TFIP11: variants seen among roughly 807,000 people sequenced by gnomAD.
TFIP11 encodes the protein tuftelin interacting protein 11.
TFIP11 carries 86 observed loss-of-function variants against 96.8 expected under a neutral mutation model. The ratio of observed to expected loss-of-function variants is 0.89; its 90% confidence interval spans 0.75 to 1.06. The LOEUF (loss-of-function observed/expected upper bound fraction) is 1.06, where lower values mean the gene tolerates loss of function less well. TFIP11 is among the 50% of genes least tolerant of loss of function. TFIP11 has a pLI of 0.00. For missense variants in TFIP11, 881 were observed against 1,076.7 expected, an observed-to-expected ratio of 0.82 and a Z score of 2.54; for synonymous variants, 405 against 395.2, an observed-to-expected ratio of 1.02 and a Z score of -0.29.
In TFIP11 at chr22:26,503,534, C is replaced by A. The variant is rs538448449; in HGVS notation, c.648+132G>T. The A allele has an allele frequency of 5.2e-6, 6 of 1,146,150 alleles. No homozygotes were observed. The South Asian group carries it at 6.3e-5, about 12-fold the overall frequency. The allele number at this position is 1,146,150 out of a possible 1,614,324, so 71.0% of individuals were successfully genotyped here. A position where few individuals can be genotyped will look rare whatever the true frequency, so the allele number is the denominator to read the frequency against. On this transcript the variant is annotated intron_variant, in intron 7 of 14. Coordinates refer to ENST00000407690, the MANE Select transcript of TFIP11 (RefSeq NM_012143.4). Reference sequence around the variant, plus strand: ...AGCCCTCTCATCATGGTGCACCTAGCCTTCAGCCCAGTACCTGGCATACGG... The same window carrying A: ...AGCCCTCTCATCATGGTGCACCTAGACTTCAGCCCAGTACCTGGCATACGG...
chr22:26,510,107 C>G lies in TFIP11; in HGVS notation c.166G>C (p.Glu56Gln), dbSNP rs1363240229. 6 of 1,614,006 alleles carry G rather than the reference C, an allele frequency of 3.7e-6. No individual in the cohort carries two copies. The highest frequency in any genetic ancestry group is 5.1e-6 in the Non-Finnish European group (6 of 1,180,054). Residue 56 changes from glutamate (E) to glutamine (Q), a missense_variant, in exon 4 of 15, where the codon GAG becomes CAG. Physicochemically the swap from Glu to Gln is conservative, Grantham distance 29. Coordinates refer to ENST00000407690, the MANE Select transcript of TFIP11 (RefSeq NM_012143.4). Reference sequence around the variant, plus strand: ...GGCCTCTCATCATCCGAGTCTCGCTCTGCCCACACCCCGTAGGTGGCTTCT... The same window carrying G: ...GGCCTCTCATCATCCGAGTCTCGCTGTGCCCACACCCCGTAGGTGGCTTCT... ...KEEATYGVWA[E>Q]RDSDDERPSF...
At chr22:26,507,450 T>G (rs192833480) in intron 4 of TFIP11, among the ~76,000 whole-genome samples, 1 of 151,888 alleles carries the variant, frequency 6.6e-6, no homozygotes. Flanking sequence ...ATGGTGAGAC[T>G]TCGTCTCTAT....
Position 26,503,737 on chromosome 22 carries a change from A to G in TFIP11, c.577T>C (p.Tyr193His). 3 of 1,613,906 alleles carry G rather than the reference A, an allele frequency of 1.9e-6. No homozygotes were observed. The highest frequency in any genetic ancestry group is 1.3e-5 in the African/African-American group (1 of 74,860). ...QRKGKGAVGA[Y>H]GSERTTQSMQ... The stretch of plus-strand genomic sequence containing the variant: ...GACTGAGTGGTGCGCTCGGATCCAT[A>G]AGCCCCCACAGCACCTTTTCCCTTT... The change falls in exon 7 of 15, where the codon TAT (tyrosine) becomes CAT (histidine). Residue 193 changes from tyrosine (Y) to histidine (H), a missense_variant. Coordinates refer to ENST00000407690, the MANE Select transcript of TFIP11 (RefSeq NM_012143.4).
In TFIP11 at chr22:26,494,907, G is replaced by A. The variant is rs1921726919; in HGVS notation, c.1882C>T (p.His628Tyr). 1 of 1,614,216 alleles carries A rather than the reference G, an allele frequency of 6.2e-7. No individual in the cohort carries two copies. The highest frequency in any genetic ancestry group is 1.1e-5 in the South Asian group (1 of 91,078). The stretch of plus-strand genomic sequence containing the variant: ...TAGAATGCATCCATGTGCTGCTGGT[G>A]GGGGTTAATGACTAGCTCACCAAGA... ...MCLGELVINPHQQHMDAFYWV... is the reference protein window; with the variant it reads ...MCLGELVINPYQQHMDAFYWV... The change falls in exon 13 of 15, where the codon CAC becomes TAC. Residue 628 changes from histidine to tyrosine, a missense_variant. His to Tyr is a moderately conservative substitution (Grantham distance 83). Coordinates refer to ENST00000407690, the MANE Select transcript of TFIP11 (RefSeq NM_012143.4).
chr22:26,495,551 TG>T (rs1451354020), intron 12 of TFIP11, among the ~76,000 whole-genome samples: 2 of 78,068 alleles, frequency 2.6e-5, no homozygotes, highest in African/African-American at 3.8e-5. Context: ...AATATATATG[TG>T]TATATATATA....
At chr22:26,496,385 A>C in intron 11 of TFIP11, 69 bp from the exon 12 acceptor site, 1 of 1,525,112 alleles carries the variant, frequency 6.6e-7, no homozygotes, top group East Asian at 2.3e-5. Flanking sequence ...CTGTGTGGCT[A>C]AAGGCAAGAG....
chr22:26,497,461 T>C (rs759865258), intron 10 of TFIP11, among the ~76,000 whole-genome samples: 82 of 152,258 alleles, frequency 5.4e-4, no homozygotes, highest in Non-Finnish European at 7.3e-4. Context: ...AAGTGTCAGC[T>C]GAATTCATGG....
chr22:26,510,143 G>A lies in TFIP11; in HGVS notation c.130C>T (p.Gln44Ter). ...CCGTAGGTGGCTTCTTCCTTGGTCT[G>A]CCAGTGGCGCTGTCGGTTGGGGTTG... ...EFNPNRQRHW[Q>*]TKEEATYGVW... The change falls in exon 4 of 15, where the codon CAG (glutamine) becomes TAG (stop). Residue 44 changes from glutamine (Q) to a stop codon, truncating the protein, a stop_gained. Coordinates refer to ENST00000407690, the MANE Select transcript of TFIP11 (RefSeq NM_012143.4). LOFTEE classifies it high-confidence loss of function. The A allele has an allele frequency of 6.2e-7, 1 of 1,614,156 alleles. No homozygotes were observed. The highest frequency in any genetic ancestry group is 8.5e-7 in the Non-Finnish European group (1 of 1,180,044).
intron 12 of TFIP11, 140 bp from the exon 13 acceptor site, chr22:26,495,079 A>C: frequency 8.9e-7 from 1 of 1,122,374 alleles, no homozygotes; most frequent in South Asian, 1.5e-5. Flanking sequence ...CTTGTGCCTC[A>C]GCCTCCCGAG....
At chr22:26,507,892 G>A (rs1198861949) in intron 4 of TFIP11, among the ~76,000 whole-genome samples, 2 of 152,160 alleles carry the variant, frequency 1.3e-5, no homozygotes, top group South Asian at 4.1e-4. Flanking sequence ...GGAGGCTTGA[G>A]GCCAGGAGTT....
intron 3 of TFIP11, 51 bp downstream of exon 3, chr22:26,510,565 CA>C (rs1461392713): frequency 1.4e-5 from 5 of 355,114 alleles, no homozygotes; most frequent in Non-Finnish European, 2.6e-5. Context: ...CATATTCACA[CA>C]TACACAAACC....
chr22:26,508,394 G>A (rs918522223), intron 4 of TFIP11, among the ~76,000 whole-genome samples: 2 of 152,186 alleles, frequency 1.3e-5, no homozygotes, highest in East Asian at 3.8e-4. Flanking sequence ...CCAGGTTTAT[G>A]AAATAGCCAG....
rs1923039792 is a variant in TFIP11 at position 26,503,538 on chromosome 22, C to T, written c.648+128G>A. The T allele has an allele frequency of 1.1e-5, 13 of 1,204,878 alleles. No individual in the cohort carries two copies. The South Asian group carries it at 2.0e-4, about 18-fold the overall frequency. The allele number at this position is 1,204,878 out of a possible 1,614,324, so 74.6% of individuals were successfully genotyped here. On this transcript the variant is annotated intron_variant, in intron 7 of 14. Transcript: ENST00000407690. ...CTCTCATCATGGTGCACCTAGCCTT[C>T]AGCCCAGTACCTGGCATACGGTACA...
At chr22:26,499,027 G>T (rs774402494) in intron 9 of TFIP11, 52 bp from the exon 10 acceptor site, 1 of 1,610,702 alleles carries the variant, frequency 6.2e-7, no homozygotes, top group South Asian at 1.1e-5. Context: ...AGCCCTCCCT[G>T]CCCATTGAAC....
chr22:26,508,237 A>G (rs1923656703), intron 4 of TFIP11, among the ~76,000 whole-genome samples: 1 of 152,244 alleles, frequency 6.6e-6, no homozygotes, highest in Non-Finnish European at 1.5e-5. Context: ...AATATAACTT[A>G]GTGATTTAGA....
chr22:26,495,543 TATATATGTGTATATATATACAC>T (rs1921850702), intron 12 of TFIP11, among the ~76,000 whole-genome samples: 1 of 122,956 alleles, frequency 8.1e-6, no homozygotes. Context: ...ATTCTTAAAA[TATATATGTGTATATATATACAC>T]ATATATATAT....
chr22:26,494,765 TC>T (rs767220423), intron 13 of TFIP11, 31 bp downstream of exon 13: 10 of 1,613,178 alleles, frequency 6.2e-6, no homozygotes, highest in Non-Finnish European at 7.6e-6. Flanking sequence ...CCCAGTTCCC[TC>T]CCCCAGAAAT....
At chr22:26,508,843 CAAAA>C (rs134139) in intron 4 of TFIP11, among the ~76,000 whole-genome samples, 1 of 139,068 alleles carries the variant, frequency 7.2e-6, no homozygotes, top group Non-Finnish European at 1.6e-5. Context: ...GACTTCATCT[CAAAA>C]AAAAAAAAAA....
At position 26,491,818 on chromosome 22, in the gene TFIP11, A is replaced by G. The variant is rs1921223388; in HGVS notation, c.*195T>C. The G allele has an allele frequency of 4.4e-6, 4 of 919,208 alleles. No homozygotes were observed. The Admixed American group carries it at 8.2e-5, about 19-fold the overall frequency. 56.9% of individuals were successfully genotyped at this position (919,208 alleles called of 1,614,324 possible). A position where few individuals can be genotyped will look rare whatever the true frequency, so the allele number is the denominator to read the frequency against. On this transcript the variant is annotated 3_prime_UTR_variant, in exon 15 of 15. Coordinates refer to ENST00000407690, the MANE Select transcript of TFIP11 (RefSeq NM_012143.4). Reference sequence around the variant, plus strand: ...TCCTGTTTTGAGGACGATACCCCACATGAGGACTTGGTATAAAGATTCCTG... The same window carrying G: ...TCCTGTTTTGAGGACGATACCCCACGTGAGGACTTGGTATAAAGATTCCTG...
Sources: allele counts gnomAD v4.1 joint callset (sites outside exome capture counted in the v4.1 genomes callset), GRCh38; gene constraint gnomAD v4.1.1; transcripts MANE v1.5; gene names NCBI Gene and HGNC (gene_info 2026-07-23, HGNC 2026-07-21).